The following WDR6 variants were observed in gnomAD, a reference collection of about 807,000 sequenced individuals.
WDR6 encodes the protein WD repeat domain 6, also known as tRNA (34-2'-O)-methyltransferase regulator WDR6.
WDR6 carries 58 observed loss-of-function variants against 85.6 expected under a neutral mutation model. That is an observed-to-expected ratio of 0.68 (90% CI 0.55 to 0.84). The LOEUF is 0.84. Among genes scored for constraint, WDR6 ranks in the 40% least tolerant of loss-of-function variants. WDR6 has a pLI of 0.00. For missense variants in WDR6, 1,310 were observed against 1,476.4 expected (o/e 0.89, Z 1.85); for synonymous variants, 569 against 582.2 (o/e 0.98, Z 0.33).
rs1191633892 is a variant in WDR6 at position 49,015,819 on chromosome 3, C to T, written c.*531C>T. The T allele has an allele frequency of 3.7e-6, 6 of 1,614,012 alleles. No homozygotes were observed. The Admixed American group carries it at 8.3e-5, about 22-fold the overall frequency. ...GTGTGCTCACCCCCAGGATGTGTACCCGGTTGTAGTAGGAGCTGAAATCCA... is the reference window on the plus strand; with the variant it reads ...GTGTGCTCACCCCCAGGATGTGTACTCGGTTGTAGTAGGAGCTGAAATCCA... On this transcript the variant is annotated 3_prime_UTR_variant, in exon 6 of 6. Coordinates refer to ENST00000608424, the MANE Select transcript of WDR6 (RefSeq NM_018031.6).
At position 49,014,618 on chromosome 3, in the gene WDR6, C is replaced by T. The variant is rs374652511; in HGVS notation, c.2802C>T (p.Ser934=). The T allele has an allele frequency of 6.6e-5, 106 of 1,613,632 alleles. No homozygotes were observed. The highest frequency in any genetic ancestry group is 4.5e-4 in the East Asian group (20 of 44,870). The change falls in exon 5 of 6, where the codon AGC becomes AGT. Residue 934 remains serine (S), a synonymous_variant. Coordinates refer to ENST00000608424, the MANE Select transcript of WDR6 (RefSeq NM_018031.6). This position sits in a 1 kb window ranked among gnomAD's most constrained non-coding sequence, Gnocchi z 4.9. ...CTCTCAGGAGGCTCCTCCTGTGCAG[C>T]GCAGCTACTGATGGCAGCCTGGCTT... The part of the protein sequence containing the change: ...PNQRRRLLLC[S]AATDGSLAFW...
intron 1 of WDR6, chr3:49,011,405 T>TC (rs2093013883): frequency 1.4e-6 from 2 of 1,442,326 alleles, no homozygotes; most frequent in African/African-American, 2.9e-5. Flanking sequence ...TTTTTTTTTT[T>TC]TTTCTTTTGA....
chr3:49,010,796 G>T (rs1345844439), intron 1 of WDR6, among the ~76,000 whole-genome samples: 1 of 151,488 alleles, frequency 6.6e-6, no homozygotes, highest in Non-Finnish European at 1.5e-5. Context: ...CTTGCAGTGA[G>T]CTGAGATCGT....
Position 49,007,947 on chromosome 3 carries a change from AGGAGGAGGC to A in WDR6, c.100+422_100+430del. 1 of 151,398 alleles carries A rather than the reference AGGAGGAGGC, an allele frequency of 6.6e-6. No homozygotes were observed. The highest frequency in any genetic ancestry group is 1.4e-5 in the Non-Finnish European group (1 of 70,818). The allele number at this position is 151,398 out of a possible 1,614,324, so 9.4% of individuals were successfully genotyped here. ...TGGGGGGGGCGGAGGGAGGAGGAGG[AGGAGGAGGC>A]GGAGGCGGCCCCGGCCCCTCAGGGG... On this transcript the variant is annotated intron_variant, in intron 1 of 5. Transcript: ENST00000608424. The surrounding 1 kb of genome is among the most constrained non-coding windows in gnomAD (Gnocchi z 5.1).
chr3:49,012,414 C>CG lies in WDR6; in HGVS notation c.884dup (p.His296ThrfsTer13). On this transcript the variant is annotated frameshift_variant, in exon 2 of 6. Transcript: ENST00000608424. LOFTEE classifies it high-confidence loss of function. This position sits in a 1 kb window ranked among gnomAD's most constrained non-coding sequence, Gnocchi z 4.4. ...TGAAGGTGAGATCCTCCAGGCCTTTCGGGGACACCAGGGACGTGGGATCCG... is the reference window on the plus strand; with the variant it reads ...TGAAGGTGAGATCCTCCAGGCCTTTCGGGGGACACCAGGGACGTGGGATCCG... 2 of 1,614,126 alleles carry CG rather than the reference C, an allele frequency of 1.2e-6. No individual in the cohort carries two copies. The highest frequency in any genetic ancestry group is 1.7e-6 in the Non-Finnish European group (2 of 1,180,024).
Position 49,012,879 on chromosome 3 carries a change from G to A in WDR6, c.1345G>A (p.Glu449Lys), listed in dbSNP as rs2093025397. 6.2e-7 allele frequency: 1 copy of A among 1,613,748 alleles called. No homozygotes were observed. The highest frequency in any genetic ancestry group is 8.5e-7 in the Non-Finnish European group (1 of 1,179,902). ...HSLSWALRGY[E>K]ELLLLASGPG... ...CTTGAGCTGGGCCCTGCGTGGTTAT[G>A]AGGAGCTCCTGTTGCTGGCATCGGG... Residue 449 changes from glutamate (E) to lysine (K), a missense_variant, in exon 2 of 6, where the codon GAG becomes AAG. Glu to Lys is a moderately conservative substitution (Grantham distance 56). Coordinates refer to ENST00000608424, the MANE Select transcript of WDR6 (RefSeq NM_018031.6). The surrounding 1 kb of genome is among the most constrained non-coding windows in gnomAD (Gnocchi z 4.4).
chr3:49,011,479 C>G, intron 1 of WDR6, 156 bp from the exon 2 acceptor site: 1 of 1,602,488 alleles, frequency 6.2e-7, no homozygotes, highest in East Asian at 2.2e-5. Flanking sequence ...CGCACCCGGC[C>G]GAGACCAAGG....
At position 49,012,731 on chromosome 3, in the gene WDR6, T is replaced by A. The variant is rs1333866815; in HGVS notation, c.1197T>A (p.Ala399=). The A allele has an allele frequency of 6.2e-7, 1 of 1,613,812 alleles. No homozygotes were observed. The highest frequency in any genetic ancestry group is 2.2e-5 in the East Asian group (1 of 44,870). The part of the protein sequence containing the change: ...HFQSYCLLEA[A]PGPEGFGLCA... ...AGTCCTACTGCCTGCTGGAGGCAGCTCCTGGTCCCGAGGGCTTCGGATTGT... is the reference window on the plus strand; with the variant it reads ...AGTCCTACTGCCTGCTGGAGGCAGCACCTGGTCCCGAGGGCTTCGGATTGT... Residue 399 remains alanine, a synonymous_variant, in exon 2 of 6, where the codon GCT becomes GCA. Coordinates refer to ENST00000608424, the MANE Select transcript of WDR6 (RefSeq NM_018031.6). This position sits in a 1 kb window ranked among gnomAD's most constrained non-coding sequence, Gnocchi z 4.4.
In WDR6 at chr3:49,013,162, T is replaced by G. The variant is rs1449376364; in HGVS notation, c.1628T>G (p.Val543Gly). 1.9e-6 allele frequency: 3 copies of G among 1,610,170 alleles called. No individual in the cohort carries two copies. The highest frequency in any genetic ancestry group is 1.6e-4 in the Middle Eastern group (1 of 6,080). ...KARAGAGAPV[V>G]GSGSSGGGNA... ...CGGGCTGGTGCTGGGGCACCTGTAGTGGGTAGTGGTAGTAGTGGGGGTGGG... is the reference window on the plus strand; with the variant it reads ...CGGGCTGGTGCTGGGGCACCTGTAGGGGGTAGTGGTAGTAGTGGGGGTGGG... Residue 543 changes from valine to glycine, a missense_variant, in exon 2 of 6, where the codon GTG becomes GGG. By Grantham distance (109) the Val-to-Gly change is moderately radical. Coordinates refer to ENST00000608424, the MANE Select transcript of WDR6 (RefSeq NM_018031.6). The surrounding 1 kb of genome is among the most constrained non-coding windows in gnomAD (Gnocchi z 4.6).
chr3:49,011,964 G>C lies in WDR6; in HGVS notation c.430G>C (p.Val144Leu), dbSNP rs774212702. Residue 144 changes from valine (V) to leucine (L), a missense_variant, in exon 2 of 6, where the codon GTA becomes CTA. Physicochemically the swap from Val to Leu is conservative, Grantham distance 32. Transcript: ENST00000608424. ...GHNSVVLYDP[V>L]VGCILQEVPC... The stretch of plus-strand genomic sequence containing the variant: ...CAACTCAGTGGTGCTATATGACCCT[G>C]TAGTAGGGTGCATCCTGCAAGAGGT... The C allele has an allele frequency of 1.9e-6, 3 of 1,614,200 alleles. No homozygotes were observed. In the Admixed American group the frequency reaches 5.0e-5, roughly 27 times the overall value.
chr3:49,011,194 C>T (rs976637152), intron 1 of WDR6: 25 of 414,032 alleles, frequency 6.0e-5, no homozygotes, highest in Non-Finnish European at 1.1e-4. Flanking sequence ...AAGCGATTCT[C>T]CTGCCTCAGC....
Position 49,015,014 on chromosome 3 carries a change from A to G in WDR6, c.3092A>G (p.Gln1031Arg). Reference sequence around the variant, plus strand: ...GTGGGAGAGGCTGGGCTGGTACCCCAGCTGCGTGTGCTAGAGGAATACTCT... The same window carrying G: ...GTGGGAGAGGCTGGGCTGGTACCCCGGCTGCGTGTGCTAGAGGAATACTCT... ...EAVGEAGLVP[Q>R]LRVLEEYSVP... Residue 1031 changes from glutamine (Q) to arginine (R), a missense_variant, in exon 6 of 6, where the codon CAG (glutamine) becomes CGG (arginine). Transcript: ENST00000608424. 1 of 1,614,166 alleles carries G rather than the reference A, an allele frequency of 6.2e-7. No homozygotes were observed. The highest frequency in any genetic ancestry group is 8.5e-7 in the Non-Finnish European group (1 of 1,180,020).
In WDR6 at chr3:49,013,135, C is replaced by G. The variant is rs1267759036; in HGVS notation, c.1601C>G (p.Ala534Gly). ...AAGGACCCTGGGGTGGGAGGCAAGG[C>G]TCGGGCTGGTGCTGGGGCACCTGTA... ...LLKDPGVGGK[A>G]RAGAGAPVVG... is the part of the protein sequence containing the mutation. Residue 534 changes from alanine (A) to glycine (G), a missense_variant, in exon 2 of 6, where the codon GCT becomes GGT. Coordinates refer to ENST00000608424, the MANE Select transcript of WDR6 (RefSeq NM_018031.6). The surrounding 1 kb of genome is among the most constrained non-coding windows in gnomAD (Gnocchi z 4.6). 6.2e-7 allele frequency: 1 copy of G among 1,607,810 alleles called. No individual in the cohort carries two copies. Among genetic ancestry groups the G allele is most frequent in the Non-Finnish European group, 8.5e-7 (1 of 1,176,044 alleles).
In WDR6 at chr3:49,014,825, G is replaced by A. The variant is rs1250971828; in HGVS notation, c.2903G>A (p.Arg968Gln). The A allele has an allele frequency of 6.2e-7, 1 of 1,602,096 alleles. No homozygotes were observed. The highest frequency in any genetic ancestry group is 1.3e-5 in the African/African-American group (1 of 74,698). The part of the protein sequence containing the change: ...EPPVDPGLPY[R>Q]LGTPSLTLQA... ...AACTACCCTCTTCCTCTTCCTTCAG[G>A]GCTTGGCACCCCCTCCCTGACTCTC... Residue 968 changes from arginine (R) to glutamine (Q), a missense_variant and splice_region_variant, in exon 6 of 6, where the codon CGG (arginine) becomes CAG (glutamine). Physicochemically the swap from Arg to Gln is conservative, Grantham distance 43 (BLOSUM62 1). Transcript: ENST00000608424. The surrounding 1 kb of genome is among the most constrained non-coding windows in gnomAD (Gnocchi z 4.9).
intron 1 of WDR6, among the ~76,000 whole-genome samples, chr3:49,010,748 G>A (rs1054309262): frequency 6.6e-6 from 1 of 152,040 alleles, no homozygotes; most frequent in Non-Finnish European, 1.5e-5. Flanking sequence ...TACTCGGGAG[G>A]CTGAGGCAGG....
chr3:49,010,939 C>T (rs2093010859), intron 1 of WDR6, among the ~76,000 whole-genome samples: 1 of 149,760 alleles, frequency 6.7e-6, no homozygotes, highest in Non-Finnish European at 1.5e-5. Context: ...GTTGCTTGAA[C>T]CCAGGAGATG....
At position 49,015,371 on chromosome 3, in the gene WDR6, C is replaced by T; in HGVS notation, c.*83C>T. Reference sequence around the variant, plus strand: ...CAGGGATGGGCTGTCTGTGCCCATGCTCAGCATGCCTTGAGGGGAGGAGGT... The same window carrying T: ...CAGGGATGGGCTGTCTGTGCCCATGTTCAGCATGCCTTGAGGGGAGGAGGT... On this transcript the variant is annotated 3_prime_UTR_variant, in exon 6 of 6. Transcript: ENST00000608424. The T allele has an allele frequency of 6.6e-7, 1 of 1,513,758 alleles. No homozygotes were observed. The highest frequency in any genetic ancestry group is 8.9e-7 in the Non-Finnish European group (1 of 1,117,568). The allele number at this position is 1,513,758 out of a possible 1,614,324, so 93.8% of individuals were successfully genotyped here. A position where few individuals can be genotyped will look rare whatever the true frequency, so the allele number is the denominator to read the frequency against.
In WDR6 at chr3:49,014,757, C is replaced by T; in HGVS notation, c.2902+39C>T. The T allele has an allele frequency of 6.2e-7, 1 of 1,611,578 alleles. No individual in the cohort carries two copies. The highest frequency in any genetic ancestry group is 8.5e-7 in the Non-Finnish European group (1 of 1,178,502). ...GTGCAACCATGGCTACCCCTCCTCA[C>T]CTGTCACATAGCCCTCACACATGTG... On this transcript the variant is annotated intron_variant, in intron 5 of 5. Transcript: ENST00000608424. This position sits in a 1 kb window ranked among gnomAD's most constrained non-coding sequence, Gnocchi z 4.9.
chr3:49,012,569 T>C lies in WDR6; in HGVS notation c.1035T>C (p.Arg345=). The C allele has an allele frequency of 6.2e-7, 1 of 1,613,974 alleles. No individual in the cohort carries two copies. Among genetic ancestry groups the C allele is most frequent in the Non-Finnish European group, 8.5e-7 (1 of 1,179,988 alleles). ...TCTCGGCTCTCTGCTTCAAGTCCCG[T>C]AGTAGGCCAGGTACACTCAAGGCTG... ...LGVSALCFKS[R]SRPGTLKAVT... Residue 345 remains arginine (R), a synonymous_variant, in exon 2 of 6, where the codon CGT becomes CGC. Transcript: ENST00000608424. The surrounding 1 kb of genome is among the most constrained non-coding windows in gnomAD (Gnocchi z 4.4).
Sources: gnomAD v4.1 joint callset for allele counts (sites outside exome capture counted in the v4.1 genomes callset) on GRCh38, gnomAD v4.1.1 for gene constraint, Gnocchi (gnomAD v3.1) non-coding constraint, MANE v1.5 for transcripts, NCBI Gene and HGNC (gene_info 2026-07-23, HGNC 2026-07-21) for gene names.